Variants in SMU1 observed in about 807,000 individuals in gnomAD.
The protein encoded by SMU1 is SMU1 DNA replication regulator and spliceosomal factor, also known as WD40 repeat-containing protein SMU1.
Under a neutral mutation model 62.0 loss-of-function variants are expected in SMU1, and 2 were observed. The observed-to-expected ratio is 0.03, with a 90% confidence interval of 0.01 to 0.10. The LOEUF (loss-of-function observed/expected upper bound fraction) is 0.10, where lower values mean the gene tolerates loss of function less well. SMU1 is among the 10% of genes least tolerant of loss of function. SMU1 has a pLI of 1.00. For synonymous variants in SMU1, 188 were observed against 212.4 expected (o/e 0.89, Z 1.00); for missense variants, 227 against 622.1 (o/e 0.36, Z 6.76).
At chr9:33,059,224 G>GTA (rs1418989960) in intron 6 of SMU1, among the ~76,000 whole-genome samples, 1 of 152,092 alleles carries the variant, frequency 6.6e-6, no homozygotes, top group Non-Finnish European at 1.5e-5. Context: ...AGGGTATATA[G>GTA]TATGCTATCA....
In SMU1 at chr9:33,041,958, T is replaced by C. The variant is rs144399578; in HGVS notation, c.*5335A>G. 858 of 152,362 alleles carry C rather than the reference T, an allele frequency of 5.6e-3. 8 individuals carry two copies. The highest frequency in any genetic ancestry group is 0.03 in the Middle Eastern group (9 of 298). The allele number at this position is 152,362 out of a possible 1,614,324, so 9.4% of individuals were successfully genotyped here. A position where few individuals can be genotyped will look rare whatever the true frequency, so the allele number is the denominator to read the frequency against. ...TGAGGGGAAGGGAAGGAGAAGTTAA[T>C]TGACAATGTTACAGGGCTTCTGTTT... On this transcript the variant is annotated 3_prime_UTR_variant, in exon 12 of 12. Transcript: ENST00000397149.
intron 1 of SMU1, among the ~76,000 whole-genome samples, chr9:33,076,204 A>G (rs769685168): frequency 2.0e-5 from 3 of 152,252 alleles, no homozygotes; most frequent in Non-Finnish European, 2.9e-5. Context: ...ATCACATTGC[A>G]TAAGCTGGAC....
intron 3 of SMU1, among the ~76,000 whole-genome samples, chr9:33,070,992 T>C (rs1839479523): frequency 6.6e-6 from 1 of 152,134 alleles, no homozygotes. Flanking sequence ...CAATAATAAT[T>C]ATACATTTTA....
intron 4 of SMU1, among the ~76,000 whole-genome samples, chr9:33,064,573 A>G (rs1283628989): frequency 3.9e-5 from 6 of 152,150 alleles, no homozygotes; most frequent in African/African-American, 7.2e-5. Flanking sequence ...ATTATTATAA[A>G]TAACAGAATT....
Position 33,062,143 on chromosome 9 carries a change from GGAA to G in SMU1, c.533_535del (p.Leu178del). On this transcript the variant is annotated inframe_deletion, in exon 5 of 12. Transcript: ENST00000397149. ...AAACAAATCTATGGTCATACCAGGA[GGAA>G]GCAATCCCTGATGCTGCTGCCACTT... is the stretch of plus-strand genomic sequence containing the variant. 4 of 1,613,912 alleles carry G rather than the reference GGAA, an allele frequency of 2.5e-6. No homozygotes were observed. Among genetic ancestry groups the G allele is most frequent in the Non-Finnish European group, 3.4e-6 (4 of 1,179,920 alleles).
At position 33,048,157 on chromosome 9, in the gene SMU1, A is replaced by C; in HGVS notation, c.1392T>G (p.Phe464Leu). ...GEWIYCVGED[F>L]VLYCFSTVTG... ...TGACTGTACTGAAACAGTAGAGCAC[A>C]AAGTCCTCCCCTACACAGTAGATCC... Residue 464 changes from phenylalanine to leucine, a missense_variant, in exon 11 of 12, where the codon TTT (phenylalanine) becomes TTG (leucine). Coordinates refer to ENST00000397149, the MANE Select transcript of SMU1 (RefSeq NM_018225.3). 1 of 1,614,118 alleles carries C rather than the reference A, an allele frequency of 6.2e-7. No individual in the cohort carries two copies. The highest frequency in any genetic ancestry group is 8.5e-7 in the Non-Finnish European group (1 of 1,179,986).
chr9:33,072,535 G>A (rs1045337539), intron 2 of SMU1, among the ~76,000 whole-genome samples: 1 of 151,862 alleles, frequency 6.6e-6, no homozygotes, highest in Non-Finnish European at 1.5e-5. Flanking sequence ...CATACGGATT[G>A]TAAAGAAACA....
In SMU1 at chr9:33,056,245, A is replaced by C; in HGVS notation, c.996-6T>G. 1 of 1,605,738 alleles carries C rather than the reference A, an allele frequency of 6.2e-7. No individual in the cohort carries two copies. Among genetic ancestry groups the C allele is most frequent in the Middle Eastern group, 1.7e-4 (1 of 6,042 alleles). On this transcript the variant is annotated splice_polypyrimidine_tract_variant and splice_region_variant and intron_variant, in intron 8 of 11. Transcript: ENST00000397149. ...CAGATTTTAAACCATGAATTCTACC[A>C]AATGAAAGTAAATGAAAAGAACAAT...
rs567960000 is a variant in SMU1 at position 33,060,110 on chromosome 9, G to A, written c.750+355C>T. 5.9e-5 allele frequency among the ~76,000 whole-genome samples: 9 copies of A among 152,232 alleles called. No homozygotes were observed. In the South Asian group the frequency reaches 1.9e-3, roughly 32 times the overall value. On this transcript the variant is annotated intron_variant, in intron 6 of 11. Transcript: ENST00000397149. ...CTGCAACCTCAAACTCCTGGCTTGAGGGATCCTCCCACTTCAGCCTCCCAG... is the reference window on the plus strand; with the variant it reads ...CTGCAACCTCAAACTCCTGGCTTGAAGGATCCTCCCACTTCAGCCTCCCAG...
At chr9:33,051,278 C>T (rs1839246061) in intron 10 of SMU1, among the ~76,000 whole-genome samples, 1 of 151,926 alleles carries the variant, frequency 6.6e-6, no homozygotes, top group Non-Finnish European at 1.5e-5. Flanking sequence ...ACTATGGAGA[C>T]AGAAAAAGAT....
chr9:33,074,770 C>CT (rs1564026179), intron 1 of SMU1, among the ~76,000 whole-genome samples: 2 of 137,108 alleles, frequency 1.5e-5, no homozygotes, highest in Non-Finnish European at 3.3e-5. Flanking sequence ...AGCAAACATC[C>CT]TCTTTTTTTT....
intron 4 of SMU1, among the ~76,000 whole-genome samples, chr9:33,062,627 T>C (rs1221298685): frequency 6.6e-6 from 1 of 152,208 alleles, no homozygotes; most frequent in Non-Finnish European, 1.5e-5. Context: ...GTCATATTAG[T>C]CACAGCTATC....
At chr9:33,052,772 G>A (rs1362090481) in intron 10 of SMU1, among the ~76,000 whole-genome samples, 1 of 152,314 alleles carries the variant, frequency 6.6e-6, no homozygotes, top group Non-Finnish European at 1.5e-5. Context: ...GCTGGGAGAT[G>A]TCCTGAGTTG....
intron 10 of SMU1, 84 bp from the exon 11 acceptor site, chr9:33,048,342 C>G: frequency 6.5e-7 from 1 of 1,539,746 alleles, no homozygotes; most frequent in Non-Finnish European, 8.8e-7. Flanking sequence ...GACATTTTTA[C>G]GTTGTTATTT....
chr9:33,053,807 T>G (rs909437061), intron 9 of SMU1, among the ~76,000 whole-genome samples: 4 of 152,260 alleles, frequency 2.6e-5, no homozygotes, highest in Admixed American at 6.5e-5. Context: ...GCATTCATCA[T>G]GTATTTGTTG....
intron 11 of SMU1, 33 bp from the exon 12 acceptor site, chr9:33,047,424 C>T: frequency 6.3e-7 from 1 of 1,574,894 alleles, no homozygotes; most frequent in Non-Finnish European, 8.7e-7. Flanking sequence ...TTAGGATGTA[C>T]AGATCTGCAA....
rs923378302 is a variant in SMU1 at position 33,046,366 on chromosome 9, G to A, written c.*927C>T. 1 of 152,150 alleles carries A rather than the reference G, an allele frequency of 6.6e-6. No homozygotes were observed. The highest frequency in any genetic ancestry group is 1.5e-5 in the Non-Finnish European group (1 of 68,018). The allele number at this position is 152,150 out of a possible 1,614,324, so 9.4% of individuals were successfully genotyped here. Reference sequence around the variant, plus strand: ...AAGGCACAGCTCAGAAGGAGAGGAAGGCTGAGGGCAGTGAAATGAGAACCT... The same window carrying A: ...AAGGCACAGCTCAGAAGGAGAGGAAAGCTGAGGGCAGTGAAATGAGAACCT... On this transcript the variant is annotated 3_prime_UTR_variant, in exon 12 of 12. Coordinates refer to ENST00000397149, the MANE Select transcript of SMU1 (RefSeq NM_018225.3).
intron 2 of SMU1, 140 bp downstream of exon 2, chr9:33,073,456 T>A (rs1839509457): frequency 1.7e-6 from 1 of 602,224 alleles, no homozygotes. Context: ...GGAGAAAAAA[T>A]ACAATGTCAA....
rs553622135 is a variant in SMU1 at position 33,045,817 on chromosome 9, C to G, written c.*1476G>C. The G allele has an allele frequency of 6.6e-6, 1 of 152,286 alleles. No individual in the cohort carries two copies. Among genetic ancestry groups the G allele is most frequent in the African/African-American group, 2.4e-5 (1 of 41,536 alleles). 9.4% of individuals were successfully genotyped at this position (152,286 alleles called of 1,614,324 possible). A position where few individuals can be genotyped will look rare whatever the true frequency, so the allele number is the denominator to read the frequency against. On this transcript the variant is annotated 3_prime_UTR_variant, in exon 12 of 12. Transcript: ENST00000397149. The stretch of plus-strand genomic sequence containing the variant: ...CTGAGATGGCACCACTGCACTCCAG[C>G]CTGGGCAACAGAGCAAGACTCCATC...
Sources: gnomAD v4.1 joint callset for allele counts (sites outside exome capture counted in the v4.1 genomes callset) on GRCh38, gnomAD v4.1.1 for gene constraint, MANE v1.5 for transcripts, NCBI Gene and HGNC (gene_info 2026-07-23, HGNC 2026-07-21) for gene names.